MAGI2: variants seen among roughly 807,000 people sequenced by gnomAD.
MAGI2 encodes membrane-associated guanylate kinase, WW and PDZ domain-containing protein 2.
MAGI2 carries 35 observed loss-of-function variants against 133.3 expected under a neutral mutation model. The ratio of observed to expected loss-of-function variants is 0.26; its 90% CI spans 0.20 to 0.35. The LOEUF is 0.35. Among genes scored for constraint, MAGI2 ranks in the 10% least tolerant of loss-of-function variants. MAGI2 has a pLI of 1.00. For missense variants in MAGI2, 1,636 were observed against 1,863.4 expected (o/e 0.88, Z 2.25); for synonymous variants, 729 against 710.6 (o/e 1.03, Z -0.41).
At chr7:79,330,642 T>C (rs1488475752) in intron 1 of MAGI2, among the ~76,000 whole-genome samples, 1 of 151,936 alleles carries the variant, frequency 6.6e-6, no homozygotes, top group Non-Finnish European at 1.5e-5. Context: ...AGGTTTTACA[T>C]TACACTCTTT....
intron 1 of MAGI2, among the ~76,000 whole-genome samples, chr7:79,029,810 G>A (rs551080742): frequency 1.7e-4 from 26 of 152,102 alleles, no homozygotes; most frequent in African/African-American, 4.1e-4. Flanking sequence ...ATAATCAAAC[G>A]AGTTTAGAGA....
chr7:78,741,376 A>C (rs1000361057), intron 2 of MAGI2, among the ~76,000 whole-genome samples: 1 of 117,548 alleles, frequency 8.5e-6, no homozygotes, highest in African/African-American at 3.3e-5. Context: ...AAAAAGTTGA[A>C]ACACACACAC....
At chr7:79,204,418 A>T (rs7809989) in intron 1 of MAGI2, among the ~76,000 whole-genome samples, 1 of 151,980 alleles carries the variant, frequency 6.6e-6, no homozygotes, top group African/African-American at 2.4e-5. Context: ...CTAGGCTTCT[A>T]GTAGCACTTC....
At chr7:79,062,675 A>G (rs534274657) in intron 1 of MAGI2, among the ~76,000 whole-genome samples, 18 of 152,206 alleles carry the variant, frequency 1.2e-4, no homozygotes, top group African/African-American at 4.1e-4. Context: ...TGAGTCTATA[A>G]TTTGAAAACA....
chr7:79,021,572 T>G (rs1298096211), intron 1 of MAGI2, among the ~76,000 whole-genome samples: 3 of 152,246 alleles, frequency 2.0e-5, no homozygotes, highest in Non-Finnish European at 4.4e-5. Flanking sequence ...GTAGCCCTTG[T>G]TTAGGCCAAT....
intron 2 of MAGI2, among the ~76,000 whole-genome samples, chr7:78,885,890 C>T (rs1796224476): frequency 6.6e-6 from 1 of 152,154 alleles, no homozygotes; most frequent in Non-Finnish European, 1.5e-5. Flanking sequence ...CACATTTCAG[C>T]TCTTTGGCAT....
intron 1 of MAGI2, among the ~76,000 whole-genome samples, chr7:79,107,170 A>G: frequency 6.6e-6 from 1 of 152,204 alleles, no homozygotes; most frequent in East Asian, 1.9e-4. Context: ...GAATAAGTGG[A>G]GAGCTTTCTC....
chr7:78,999,135 A>G (rs979690002), intron 2 of MAGI2, among the ~76,000 whole-genome samples: 2 of 152,036 alleles, frequency 1.3e-5, no homozygotes, highest in African/African-American at 4.8e-5. Context: ...CCAATTTCCT[A>G]TGGAAAGCCT....
intron 2 of MAGI2, among the ~76,000 whole-genome samples, chr7:78,944,646 T>G (rs1198051741): frequency 6.6e-6 from 1 of 152,086 alleles, no homozygotes; most frequent in Non-Finnish European, 1.5e-5. Flanking sequence ...GGTACATATC[T>G]TTGTACCACC....
At chr7:78,423,302 G>A (rs536405572) in intron 6 of MAGI2, among the ~76,000 whole-genome samples, 3 of 152,286 alleles carry the variant, frequency 2.0e-5, no homozygotes, top group East Asian at 1.9e-4. Context: ...CGCCATCTCC[G>A]TAAGATGTGA....
chr7:78,717,470 A>C (rs1217719379), intron 2 of MAGI2, among the ~76,000 whole-genome samples: 1 of 152,094 alleles, frequency 6.6e-6, no homozygotes, highest in African/African-American at 2.4e-5. Flanking sequence ...TCTGCTACAA[A>C]TTTCCACTCT....
intron 2 of MAGI2, among the ~76,000 whole-genome samples, chr7:78,704,029 A>G (rs913851985): frequency 6.6e-6 from 1 of 152,124 alleles, no homozygotes; most frequent in African/African-American, 2.4e-5. Flanking sequence ...ATTTCACGAC[A>G]AAGATGCCAA....
chr7:78,927,092 A>G (rs907751826), intron 2 of MAGI2, among the ~76,000 whole-genome samples: 4 of 152,054 alleles, frequency 2.6e-5, no homozygotes, highest in African/African-American at 9.7e-5. Flanking sequence ...CTTTATGTAT[A>G]TCTACAACAA....
At chr7:79,435,172 C>T (rs566563303) in intron 1 of MAGI2, among the ~76,000 whole-genome samples, 4 of 152,238 alleles carry the variant, frequency 2.6e-5, no homozygotes, top group African/African-American at 9.6e-5. Context: ...TCTTAGTTTC[C>T]TGGTGGTTTT....
At chr7:78,663,786 C>G (rs2151049406) in intron 2 of MAGI2, among the ~76,000 whole-genome samples, 2 of 152,126 alleles carry the variant, frequency 1.3e-5, no homozygotes, top group South Asian at 4.2e-4. Context: ...ATGTTGTTTC[C>G]AAGAGTTATA....
chr7:79,437,220 G>A (rs569985704), intron 1 of MAGI2, among the ~76,000 whole-genome samples: 1 of 152,050 alleles, frequency 6.6e-6, no homozygotes, highest in Non-Finnish European at 1.5e-5. Flanking sequence ...GGGGACAAGG[G>A]TTGAAAAACT....
intron 6 of MAGI2, among the ~76,000 whole-genome samples, chr7:78,386,601 G>A (rs1166405269): frequency 6.6e-6 from 1 of 152,176 alleles, no homozygotes; most frequent in Non-Finnish European, 1.5e-5. Context: ...GGTAAGCCCT[G>A]TAGGCTTGTC....
chr7:78,026,486 T>G (rs1487476134), intron 21 of MAGI2, among the ~76,000 whole-genome samples: 1 of 152,232 alleles, frequency 6.6e-6, no homozygotes, highest in Non-Finnish European at 1.5e-5. Context: ...AGAGTTAATT[T>G]TATCCTGTGC....
intron 1 of MAGI2, among the ~76,000 whole-genome samples, chr7:79,083,899 G>C (rs1343761018): frequency 4.0e-5 from 6 of 151,622 alleles, no homozygotes; most frequent in Non-Finnish European, 1.5e-5. Flanking sequence ...ATTCTGGGAA[G>C]ATATGTCTTT....
Sources: allele counts gnomAD v4.1 joint callset (sites outside exome capture counted in the v4.1 genomes callset), GRCh38; gene constraint gnomAD v4.1.1; transcripts MANE v1.5; gene names NCBI Gene and HGNC (gene_info 2026-07-23, HGNC 2026-07-21).